The following PLD5 variants were observed in gnomAD, a reference collection of about 807,000 sequenced individuals.
PLD5 encodes the protein phospholipase D family member 5.
A neutral mutation model predicts 61.1 loss-of-function variants in PLD5; 36 were observed. The ratio of observed to expected loss-of-function variants is 0.59; its 90% CI spans 0.45 to 0.78. The LOEUF (loss-of-function observed/expected upper bound fraction) is 0.78, where lower values mean the gene tolerates loss of function less well. Ranked by LOEUF, PLD5 falls within the 30% of genes least tolerant of loss-of-function variation. The pLI, the probability that PLD5 is intolerant of heterozygous loss-of-function variation, is 0.00. For missense variants in PLD5, 515 were observed against 644.4 expected (o/e 0.80, Z 2.17); for synonymous variants, 243 against 242.8 (o/e 1.00, Z -0.01).
upstream of PLD5, among the ~76,000 whole-genome samples, chr1:242,527,114 C>CTTTTTTTTTTTTTTTT (rs530334746): frequency 1.2e-3 from 87 of 71,978 alleles, 10 homozygotes; most frequent in Non-Finnish European, 1.5e-3. Flanking sequence ...CTATCTCCTT[C>CTTTTTTTTTTTTTTTT]TTTTTTTTTT....
intron 5 of PLD5, among the ~76,000 whole-genome samples, chr1:242,190,034 G>A (rs758401082): frequency 3.3e-5 from 5 of 151,154 alleles, no homozygotes; most frequent in Non-Finnish European, 7.4e-5. Context: ...AGCTCTCCGT[G>A]GTCTCCCCAG....
chr1:242,370,481 A>G (rs1013901882), intron 1 of PLD5, among the ~76,000 whole-genome samples: 6 of 152,078 alleles, frequency 3.9e-5, no homozygotes, highest in Non-Finnish European at 7.3e-5. Context: ...CCATTCTAAT[A>G]GTACAGAGGG....
intron 9 of PLD5, among the ~76,000 whole-genome samples, chr1:242,098,667 GT>G (rs770455155): frequency 1.5e-3 from 228 of 152,288 alleles, no homozygotes; most frequent in Middle Eastern, 6.8e-3. Context: ...TTTCTGCTCT[GT>G]TTTTTCCCCA....
intron 4 of PLD5, among the ~76,000 whole-genome samples, chr1:242,258,538 G>C (rs1237267291): frequency 6.6e-6 from 1 of 152,158 alleles, no homozygotes; most frequent in African/African-American, 2.4e-5. Context: ...ACATTGCAAT[G>C]CATCTTACGA....
At chr1:242,281,524 G>GAT (rs1329717916) in intron 3 of PLD5, among the ~76,000 whole-genome samples, 2 of 134,986 alleles carry the variant, frequency 1.5e-5, no homozygotes, top group Non-Finnish European at 3.4e-5. Context: ...TCCAGAGGGA[G>GAT]ATATACACAC....
intron 5 of PLD5, among the ~76,000 whole-genome samples, chr1:242,146,747 G>A (rs1232896363): frequency 1.3e-5 from 2 of 152,094 alleles, no homozygotes; most frequent in African/African-American, 2.4e-5. Flanking sequence ...GCAGCTCGTC[G>A]ATATTCACTG....
At chr1:242,095,644 A>G (rs958542781) in intron 9 of PLD5, among the ~76,000 whole-genome samples, 1 of 152,184 alleles carries the variant, frequency 6.6e-6, no homozygotes, top group Non-Finnish European at 1.5e-5. Context: ...ACATTCCCAC[A>G]AAAGAACATT....
At chr1:242,470,367 AAAG>A (rs1667412738) in intron 1 of PLD5, among the ~76,000 whole-genome samples, 1 of 75,288 alleles carries the variant, frequency 1.3e-5, no homozygotes, top group Non-Finnish European at 2.7e-5. Context: ...AGAAAGAAAG[AAAG>A]AAAGAAAGAA....
At chr1:242,214,874 T>TTA (rs1303830124) in intron 5 of PLD5, among the ~76,000 whole-genome samples, 2 of 130,256 alleles carry the variant, frequency 1.5e-5, no homozygotes, top group Non-Finnish European at 3.3e-5. Flanking sequence ...TAAACACCTT[T>TTA]TTTTTTTTTT....
intron 1 of PLD5, among the ~76,000 whole-genome samples, chr1:242,421,176 CAAAAAAAA>C (rs5782234): frequency 1.5e-4 from 10 of 65,156 alleles, no homozygotes; most frequent in African/African-American, 4.9e-4. Context: ...GACTCCACCT[CAAAAAAAA>C]AAAAAAAAAA....
chr1:242,216,104 C>A (rs765848757), intron 5 of PLD5, among the ~76,000 whole-genome samples: 4 of 152,190 alleles, frequency 2.6e-5, no homozygotes, highest in Non-Finnish European at 4.4e-5. Context: ...CTGCAGGTCA[C>A]TCCTTGATTG....
rs574453634 is a variant in PLD5, at chr1:242,477,466, A to G, written c.189+46622T>C. Among the ~76,000 whole-genome samples the G allele has an allele frequency of 5.1e-4, 78 of 152,310 alleles. 1 individual carries two copies. The highest frequency in any genetic ancestry group is 1.8e-3 in the African/African-American group (75 of 41,564). On this transcript the variant is annotated intron_variant, in intron 1 of 9. Coordinates refer to ENST00000536534, the MANE Select transcript of PLD5 (RefSeq NM_001372062.1). ...GCAACATGTTATTGAACCACTCTAC[A>G]GCAGAGGAATAATTTCCCGATAACT...
At chr1:242,228,713 A>AGAGAGGAAGAG (rs368376941) in intron 4 of PLD5, among the ~76,000 whole-genome samples, 26 of 151,820 alleles carry the variant, frequency 1.7e-4, no homozygotes, top group African/African-American at 5.3e-4. Flanking sequence ...AAGGAGAGAG[A>AGAGAGGAAGAG]GAGAGGAAGA....
intron 4 of PLD5, among the ~76,000 whole-genome samples, chr1:242,240,826 C>T (rs967552597): frequency 6.6e-6 from 1 of 152,042 alleles, no homozygotes; most frequent in African/African-American, 2.4e-5. Context: ...ATGGCTCTAC[C>T]CTCTTTCTTC....
intron 5 of PLD5, among the ~76,000 whole-genome samples, chr1:242,163,272 T>G (rs1020738084): frequency 7.9e-5 from 12 of 151,794 alleles, no homozygotes; most frequent in Admixed American, 3.3e-4. Context: ...GCCTCCCGAG[T>G]AGCTGGGACT....
chr1:242,505,364 T>C (rs980797292), intron 1 of PLD5, among the ~76,000 whole-genome samples: 3 of 152,204 alleles, frequency 2.0e-5, no homozygotes, highest in African/African-American at 7.2e-5. Context: ...AAGGATGAGT[T>C]TCCCTTTTCT....
chr1:242,243,572 C>T (rs1672186818), intron 4 of PLD5, among the ~76,000 whole-genome samples: 1 of 152,178 alleles, frequency 6.6e-6, no homozygotes, highest in Admixed American at 6.5e-5. Flanking sequence ...ACTGGTAGTT[C>T]TATGTACATG....
chr1:242,309,387 T>C (rs1676564062), intron 2 of PLD5, among the ~76,000 whole-genome samples: 1 of 143,030 alleles, frequency 7.0e-6, no homozygotes, highest in African/African-American at 2.7e-5. Context: ...AGTTTTCTTT[T>C]CTTTTTTTTT....
At chr1:242,143,601 A>C (rs1287899869) in intron 5 of PLD5, among the ~76,000 whole-genome samples, 1 of 152,166 alleles carries the variant, frequency 6.6e-6, no homozygotes, top group Non-Finnish European at 1.5e-5. Context: ...GAGGTGAGAA[A>C]TATCAGAAAT....
Sources: gnomAD v4.1 joint callset for allele counts (sites outside exome capture counted in the v4.1 genomes callset) on GRCh38, gnomAD v4.1.1 for gene constraint, MANE v1.5 for transcripts, NCBI Gene and HGNC (gene_info 2026-07-23, HGNC 2026-07-21) for gene names.